Variants in CDHR3 observed in about 807,000 individuals in gnomAD.
CDHR3 encodes cadherin related family member 3, also known as cadherin-related family member 3.
CDHR3 carries 79 observed loss-of-function variants against 86.6 expected under a neutral mutation model. The observed-to-expected ratio is 0.91, with a 90% CI of 0.76 to 1.10. The LOEUF (loss-of-function observed/expected upper bound fraction) is 1.10, where lower values mean the gene tolerates loss of function less well. Ranked by LOEUF, CDHR3 falls within the 50% of genes least tolerant of loss-of-function variation. The pLI is 0.00. For missense variants in CDHR3, 1,081 were observed against 1,077.6 expected (o/e 1.00, Z -0.04); for synonymous variants, 421 against 402.4 (o/e 1.05, Z -0.55).
intron 6 of CDHR3, among the ~76,000 whole-genome samples, chr7:105,997,165 A>G (rs77900018): frequency 0.029 from 4,431 of 152,282 alleles, 231 homozygotes; most frequent in African/African-American, 0.1. Context: ...TACTCCACCA[A>G]TAAAAGACCA....
At chr7:106,029,949 G>A (rs1838078927) in intron 17 of CDHR3, among the ~76,000 whole-genome samples, 1 of 152,212 alleles carries the variant, frequency 6.6e-6, no homozygotes, top group East Asian at 1.9e-4. Context: ...AAACAGTGGG[G>A]CTGCTTAGCT....
rs1286983688 is a variant in CDHR3, at chr7:106,032,444, A to C, written c.2405A>C (p.Lys802Thr). 6.2e-7 allele frequency: 1 copy of C among 1,613,192 alleles called. No homozygotes were observed. The highest frequency in any genetic ancestry group is 1.3e-5 in the African/African-American group (1 of 74,902). Residue 802 changes from lysine (K) to threonine (T), a missense_variant, in exon 19 of 19, where the codon AAA becomes ACA. Lys to Thr is a moderately conservative substitution (Grantham distance 78). Coordinates refer to ENST00000317716, the MANE Select transcript of CDHR3 (RefSeq NM_152750.5). Reference sequence around the variant, plus strand: ...TCAAAAACTGGAGCCAGAAAGTGGAAAGATCCACTAACCCAAATGCCAAAA... The same window carrying C: ...TCAAAAACTGGAGCCAGAAAGTGGACAGATCCACTAACCCAAATGCCAAAA... Reference protein sequence around the residue: ...FNSKTGARKWKDPLTQMPKWK... With the variant: ...FNSKTGARKWTDPLTQMPKWK...
chr7:105,968,947 G>A (rs1827421896), intron 1 of CDHR3, among the ~76,000 whole-genome samples: 1 of 150,382 alleles, frequency 6.6e-6, no homozygotes, highest in Non-Finnish European at 1.5e-5. Flanking sequence ...AGTTAGCCAG[G>A]CGTGGTGGCG....
At chr7:105,982,751 G>A (rs534999826) in intron 3 of CDHR3, among the ~76,000 whole-genome samples, 3 of 152,232 alleles carry the variant, frequency 2.0e-5, no homozygotes, top group East Asian at 3.9e-4. Flanking sequence ...GGGAGGCTGA[G>A]GTGGGAGTAT....
At chr7:105,969,501 GGATT>G (rs1473447600) in intron 1 of CDHR3, among the ~76,000 whole-genome samples, 3 of 152,182 alleles carry the variant, frequency 2.0e-5, no homozygotes, top group Non-Finnish European at 4.4e-5. Context: ...GATAACAGTG[GGATT>G]GATTATTTGC....
chr7:106,030,654 C>G lies in CDHR3; in HGVS notation c.2305-138C>G. On this transcript the variant is annotated intron_variant, in intron 17 of 18. Coordinates refer to ENST00000317716, the MANE Select transcript of CDHR3 (RefSeq NM_152750.5). This position sits in a 1 kb window ranked among gnomAD's most constrained non-coding sequence, Gnocchi z 4.8. Reference sequence around the variant, plus strand: ...GCCTTGTTCATCACTGTGTCCCCTGCATCTATCACAGTGCCTAATTAAAGA... The same window carrying G: ...GCCTTGTTCATCACTGTGTCCCCTGGATCTATCACAGTGCCTAATTAAAGA... The G allele has an allele frequency of 1.4e-6, 1 of 722,396 alleles. No individual in the cohort carries two copies. Among genetic ancestry groups the G allele is most frequent in the South Asian group, 1.7e-5 (1 of 58,220 alleles). 44.7% of individuals were successfully genotyped at this position (722,396 alleles called of 1,614,324 possible). A position where few individuals can be genotyped will look rare whatever the true frequency, so the allele number is the denominator to read the frequency against.
Position 105,981,089 on chromosome 7 carries a change from C to G in CDHR3, c.371C>G (p.Thr124Arg). The change falls in exon 3 of 19, where the codon ACA (threonine) becomes AGA (arginine). Residue 124 changes from threonine (T) to arginine (R), a missense_variant. Thr to Arg is a moderately conservative substitution (Grantham distance 71, BLOSUM62 -1). Coordinates refer to ENST00000317716, the MANE Select transcript of CDHR3 (RefSeq NM_152750.5). ...TDLQVLTVQV[T>R]DVNEPPQFQG... ...CTGCAAGTCCTGACTGTCCAGGTAA[C>G]AGATGTGAACGAGCCACCTCAGTTT... 2 of 1,613,696 alleles carry G rather than the reference C, an allele frequency of 1.2e-6. No homozygotes were observed. The highest frequency in any genetic ancestry group is 1.7e-6 in the Non-Finnish European group (2 of 1,179,796).
intron 7 of CDHR3, among the ~76,000 whole-genome samples, chr7:106,003,804 C>G (rs562731057): frequency 1.3e-5 from 2 of 152,074 alleles, no homozygotes; most frequent in African/African-American, 2.4e-5. Flanking sequence ...TGCACTGCCT[C>G]TGAAAACATC....
intron 6 of CDHR3, 124 bp from the exon 7 acceptor site, chr7:106,001,338 G>T (rs1278579145): frequency 1.0e-6 from 1 of 989,740 alleles, no homozygotes. Flanking sequence ...CTCTCCCTCT[G>T]AGCATGTTGA....
chr7:105,987,286 G>C (rs916260459), intron 4 of CDHR3, among the ~76,000 whole-genome samples: 1 of 152,154 alleles, frequency 6.6e-6, no homozygotes, highest in Non-Finnish European at 1.5e-5. Context: ...GTTTGGGGAG[G>C]GGGTACTCAG....
At chr7:106,026,873 G>C (rs55792668) in intron 16 of CDHR3, among the ~76,000 whole-genome samples, 178 bp downstream of exon 16, 6,375 of 152,244 alleles carry the variant, frequency 0.042, 178 homozygotes, top group South Asian at 0.13. Flanking sequence ...TGGGAAGGGT[G>C]GGGGGACAGT....
chr7:106,004,414 A>G (rs1159396570), intron 7 of CDHR3, 84 bp from the exon 8 acceptor site: 8 of 1,060,588 alleles, frequency 7.5e-6, no homozygotes, highest in African/African-American at 3.2e-5. Context: ...TCATGTTCGA[A>G]TGGTCTTTTC....
chr7:106,028,647 G>C (rs1335778869), intron 17 of CDHR3, 65 bp downstream of exon 17: 1 of 1,570,466 alleles, frequency 6.4e-7, no homozygotes. Context: ...CGTCTCCCCC[G>C]AAGGCAGGCC....
At chr7:105,990,102 G>T (rs1831136361) in intron 4 of CDHR3, among the ~76,000 whole-genome samples, 1 of 152,180 alleles carries the variant, frequency 6.6e-6, no homozygotes. Flanking sequence ...AATAGATGGG[G>T]ATCATTGTTA....
intron 1 of CDHR3, among the ~76,000 whole-genome samples, chr7:105,972,310 A>G (rs1029111100): frequency 6.6e-6 from 1 of 152,126 alleles, no homozygotes. Flanking sequence ...ATTTTAGTCT[A>G]TTCGTTTGGG....
chr7:105,964,110 G>C (rs953840296), intron 1 of CDHR3, among the ~76,000 whole-genome samples: 4 of 152,112 alleles, frequency 2.6e-5, no homozygotes. Flanking sequence ...ATGTTAGTGA[G>C]TATTATTTAT....
At chr7:106,029,362 C>T (rs1232951559) in intron 17 of CDHR3, among the ~76,000 whole-genome samples, 1 of 152,196 alleles carries the variant, frequency 6.6e-6, no homozygotes, top group Non-Finnish European at 1.5e-5. Context: ...GTTGGCTCTA[C>T]CCACTTAGCC....
At chr7:105,967,394 T>C (rs1685734600) in intron 1 of CDHR3, among the ~76,000 whole-genome samples, 1 of 152,224 alleles carries the variant, frequency 6.6e-6, no homozygotes, top group Non-Finnish European at 1.5e-5. Flanking sequence ...TTTGCTATTG[T>C]GAATAGTGCC....
chr7:105,999,442 T>C (rs915912241), intron 6 of CDHR3, among the ~76,000 whole-genome samples: 1 of 152,162 alleles, frequency 6.6e-6, no homozygotes, highest in African/African-American at 2.4e-5. Flanking sequence ...ACTGCTGGCA[T>C]TGAGCCAGGT....
Sources: gnomAD v4.1 joint callset for allele counts (sites outside exome capture counted in the v4.1 genomes callset) on GRCh38, gnomAD v4.1.1 for gene constraint, Gnocchi (gnomAD v3.1) non-coding constraint, MANE v1.5 for transcripts, NCBI Gene and HGNC (gene_info 2026-07-23, HGNC 2026-07-21) for gene names.